The following PARD3 variants were observed in gnomAD, a reference collection of about 807,000 sequenced individuals.
The protein encoded by PARD3 is par-3 family cell polarity regulator, also known as partitioning defective 3 homolog.
PARD3 carries 75 observed loss-of-function variants against 155.4 expected under a neutral mutation model. That is an observed-to-expected ratio of 0.48 (90% CI 0.40 to 0.58). The LOEUF is 0.58. Ranked by LOEUF, PARD3 falls within the 20% of genes least tolerant of loss-of-function variation. The pLI is 0.00. For synonymous variants in PARD3, 576 were observed against 610.5 expected, an observed-to-expected ratio of 0.94 and a Z score of 0.83; for missense variants, 1,642 against 1,721.7, an observed-to-expected ratio of 0.95 and a Z score of 0.82.
At chr10:34,294,062 A>G (rs1956793926) in intron 20 of PARD3, among the ~76,000 whole-genome samples, 1 of 142,662 alleles carries the variant, frequency 7.0e-6, no homozygotes. Flanking sequence ...GTGGAATGAT[A>G]TTTCACTACA....
intron 2 of PARD3, among the ~76,000 whole-genome samples, chr10:34,690,162 C>T (rs1219098498): frequency 1.3e-5 from 2 of 152,130 alleles, no homozygotes; most frequent in Admixed American, 6.5e-5. Flanking sequence ...CAGGCTCATC[C>T]TGATTTCCTG....
At chr10:34,154,414 A>C (rs925419466) in intron 22 of PARD3, among the ~76,000 whole-genome samples, 13 of 152,224 alleles carry the variant, frequency 8.5e-5, no homozygotes, top group African/African-American at 3.1e-4. Flanking sequence ...CCCACACTGC[A>C]GCTTTCCTGG....
intron 22 of PARD3, among the ~76,000 whole-genome samples, chr10:34,266,446 A>G (rs1453061246): frequency 6.6e-6 from 1 of 152,226 alleles, no homozygotes; most frequent in African/African-American, 2.4e-5. Context: ...TATTCTCTGC[A>G]AAAATAATAA....
intron 1 of PARD3, among the ~76,000 whole-genome samples, chr10:34,701,754 A>G (rs1189029270): frequency 1.3e-5 from 2 of 152,030 alleles, no homozygotes; most frequent in Non-Finnish European, 2.9e-5. Context: ...AAAATCACCA[A>G]CGTGTGGTGG....
intron 1 of PARD3, among the ~76,000 whole-genome samples, chr10:34,718,066 A>AT (rs1201619827): frequency 6.7e-6 from 1 of 149,992 alleles, no homozygotes; most frequent in Non-Finnish European, 1.5e-5. Flanking sequence ...AGGCAGGTGA[A>AT]TTGCTTGAGC....
intron 1 of PARD3, among the ~76,000 whole-genome samples, chr10:34,718,500 A>G (rs2094555790): frequency 6.6e-6 from 1 of 151,880 alleles, no homozygotes; most frequent in African/African-American, 2.4e-5. Flanking sequence ...TCTCCACAAA[A>G]GGCAACATAA....
At chr10:34,115,161 T>TAG (rs1564403135) in intron 24 of PARD3, among the ~76,000 whole-genome samples, 1 of 151,768 alleles carries the variant, frequency 6.6e-6, no homozygotes, top group African/African-American at 2.4e-5. Flanking sequence ...AGTTGGGAAG[T>TAG]AGATTGGAGA....
intron 3 of PARD3, among the ~76,000 whole-genome samples, chr10:34,474,968 GA>G (rs1009992446): frequency 1.3e-5 from 2 of 151,942 alleles, no homozygotes; most frequent in African/African-American, 4.8e-5. Flanking sequence ...ATAGGAAAAG[GA>G]AAAAAATCTA....
At chr10:34,637,736 A>G (rs1162792952) in intron 2 of PARD3, among the ~76,000 whole-genome samples, 1 of 152,216 alleles carries the variant, frequency 6.6e-6, no homozygotes, top group Non-Finnish European at 1.5e-5. Context: ...CCTCTGCATC[A>G]GGCCGGCAGT....
chr10:34,764,499 T>A (rs901284353), intron 1 of PARD3, among the ~76,000 whole-genome samples: 1 of 152,152 alleles, frequency 6.6e-6, no homozygotes, highest in Non-Finnish European at 1.5e-5. Flanking sequence ...TGCTTTGAAC[T>A]AATCCAGCAG....
At chr10:34,351,224 G>A (rs1208808701) in intron 14 of PARD3, among the ~76,000 whole-genome samples, 1 of 151,882 alleles carries the variant, frequency 6.6e-6, no homozygotes, top group African/African-American at 2.4e-5. Flanking sequence ...ACTGGTGATT[G>A]GCAAGATCAT....
intron 23 of PARD3, among the ~76,000 whole-genome samples, chr10:34,122,121 T>G (rs1221122310): frequency 6.6e-6 from 1 of 152,220 alleles, no homozygotes; most frequent in Non-Finnish European, 1.5e-5. Flanking sequence ...AACCACATTT[T>G]CCTTTCCTTT....
At chr10:34,433,470 ATAC>A (rs1478914762) in intron 5 of PARD3, among the ~76,000 whole-genome samples, 1 of 152,214 alleles carries the variant, frequency 6.6e-6, no homozygotes, top group Non-Finnish European at 1.5e-5. Flanking sequence ...CAGGACATTA[ATAC>A]CAAAGTCTCA....
chr10:34,494,137 A>C lies in PARD3; in HGVS notation c.403+22842T>G, dbSNP rs146705261. 2.4e-3 allele frequency among the ~76,000 whole-genome samples: 365 copies of C among 152,336 alleles called. 1 individual carries two copies. The highest frequency in any genetic ancestry group is 8.5e-3 in the African/African-American group (353 of 41,582). On this transcript the variant is annotated intron_variant, in intron 3 of 24. Transcript: ENST00000374788. ...CCCGTAGTCACCAAAAATACACAGC[A>C]CTACAGGATTATGTAGCAACTCTAT...
chr10:34,785,277 A>G (rs1015658927), intron 1 of PARD3, among the ~76,000 whole-genome samples: 2 of 152,230 alleles, frequency 1.3e-5, no homozygotes, highest in African/African-American at 4.8e-5. Context: ...AAATCTCAAA[A>G]AACCTCAATA....
rs1423372041 is a variant in PARD3, at chr10:34,317,177, C to T, written c.2995G>A (p.Asp999Asn). Residue 999 changes from aspartate (D) to asparagine (N), a missense_variant, in exon 20 of 25, where the codon GAT (aspartate) becomes AAT (asparagine). Asp to Asn is a conservative substitution (Grantham distance 23). Coordinates refer to ENST00000374788, the MANE Select transcript of PARD3 (RefSeq NM_001184785.2). Reference sequence around the variant, plus strand: ...ATTTTATCCTTCTCCTTATCTCTATCTTTCTTCTTTTCTTTTCCAGTTTTA... The same window carrying T: ...ATTTTATCCTTCTCCTTATCTCTATTTTTCTTCTTTTCTTTTCCAGTTTTA... ...KDKTGKEKKK[D>N]RDKEKDKMKA... 1.9e-6 allele frequency: 3 copies of T among 1,608,622 alleles called. No individual in the cohort carries two copies. In the African/African-American group the frequency reaches 4.0e-5, roughly 21 times the overall value.
intron 23 of PARD3, among the ~76,000 whole-genome samples, chr10:34,121,855 G>T (rs1947022120): frequency 6.6e-6 from 1 of 152,188 alleles, no homozygotes; most frequent in Admixed American, 6.5e-5. Flanking sequence ...TCAGAGACCC[G>T]CTTCACAACA....
chr10:34,140,374 T>TA (rs1302081791), intron 22 of PARD3, among the ~76,000 whole-genome samples: 3 of 152,238 alleles, frequency 2.0e-5, no homozygotes, highest in Non-Finnish European at 4.4e-5. Flanking sequence ...TGAAAGCGTT[T>TA]GCACGTTCTC....
At chr10:34,799,030 C>T (rs1354599898) in intron 1 of PARD3, among the ~76,000 whole-genome samples, 2 of 152,100 alleles carry the variant, frequency 1.3e-5, no homozygotes, top group African/African-American at 4.8e-5. Flanking sequence ...CATTCTAAAA[C>T]CTTTGCTGCC....
Sources: allele counts gnomAD v4.1 joint callset (sites outside exome capture counted in the v4.1 genomes callset), GRCh38; gene constraint gnomAD v4.1.1; transcripts MANE v1.5; gene names NCBI Gene and HGNC (gene_info 2026-07-23, HGNC 2026-07-21).